Variants in MAF observed in about 807,000 individuals in gnomAD.
The protein encoded by MAF is transcription factor Maf.
A neutral mutation model predicts 22.0 loss-of-function variants in MAF; 10 were observed. That is an observed-to-expected ratio of 0.45 (90% CI 0.28 to 0.77). The LOEUF (loss-of-function observed/expected upper bound fraction) is 0.77. MAF is among the 30% of genes least tolerant of loss of function. MAF has a pLI of 0.12. For missense variants in MAF, 544 were observed against 548.4 expected, an observed-to-expected ratio of 0.99 and a Z score of 0.08; for synonymous variants, 337 against 255.8, an observed-to-expected ratio of 1.32 and a Z score of -3.03.
the MAF span, among the ~76,000 whole-genome samples, chr16:79,438,736 C>T: frequency 2.2e-4 from 33 of 152,208 alleles, no homozygotes; most frequent in African/African-American, 7.2e-4. Context: ...CTGGATGATC[C>T]CTGCCCATGT....
At chr16:79,296,322 G>C in the MAF span, among the ~76,000 whole-genome samples, 4 of 152,236 alleles carry the variant, frequency 2.6e-5, no homozygotes, top group Non-Finnish European at 5.9e-5. Context: ...TGAACAATGA[G>C]AATACATGGA....
At chr16:79,333,633 C>T in the MAF span, among the ~76,000 whole-genome samples, 8 of 152,212 alleles carry the variant, frequency 5.3e-5, no homozygotes, top group East Asian at 1.9e-4. Context: ...AATCTTTATG[C>T]GTAATGATGA....
At chr16:79,323,727 C>T in the MAF span, among the ~76,000 whole-genome samples, 1 of 152,180 alleles carries the variant, frequency 6.6e-6, no homozygotes, top group Admixed American at 6.5e-5. Context: ...CCCCTCACAC[C>T]GGGCATCTGA....
At chr16:79,249,272 A>G in the MAF span, among the ~76,000 whole-genome samples, 2 of 152,144 alleles carry the variant, frequency 1.3e-5, no homozygotes, top group African/African-American at 2.4e-5. Context: ...ATACAAAAGT[A>G]GCCGGATGTG....
the MAF span, among the ~76,000 whole-genome samples, chr16:79,491,174 G>A: frequency 6.6e-6 from 1 of 152,172 alleles, no homozygotes; most frequent in African/African-American, 2.4e-5. Context: ...CTTACTATGT[G>A]CTTTCAGGGC....
chr16:79,447,817 C>T, the MAF span, among the ~76,000 whole-genome samples: 6 of 139,608 alleles, frequency 4.3e-5, no homozygotes, highest in East Asian at 1.3e-3. Flanking sequence ...TCGCTTGAGC[C>T]CAGGAGGTGG....
the MAF span, among the ~76,000 whole-genome samples, chr16:79,510,088 T>C: frequency 6.6e-6 from 1 of 152,214 alleles, no homozygotes; most frequent in Non-Finnish European, 1.5e-5. Context: ...AGCTCGGCGA[T>C]TGCAGGACGG....
the MAF span, among the ~76,000 whole-genome samples, chr16:79,514,229 G>T: frequency 6.6e-6 from 1 of 152,228 alleles, no homozygotes; most frequent in Non-Finnish European, 1.5e-5. Flanking sequence ...TAGTGGAGTC[G>T]CTGGGAAGGG....
chr16:79,468,437 G>A, the MAF span, among the ~76,000 whole-genome samples: 3 of 152,224 alleles, frequency 2.0e-5, no homozygotes, highest in African/African-American at 7.2e-5. Flanking sequence ...GTCCTCTGGA[G>A]GGAGCCAAGT....
the MAF span, among the ~76,000 whole-genome samples, chr16:79,561,951 A>T: frequency 6.6e-6 from 1 of 152,150 alleles, no homozygotes; most frequent in Non-Finnish European, 1.5e-5. Context: ...GAGTAGACAC[A>T]ACAGTATCTC....
At chr16:79,338,653 A>T in the MAF span, among the ~76,000 whole-genome samples, 1 of 152,200 alleles carries the variant, frequency 6.6e-6, no homozygotes. Flanking sequence ...AGGAAGAAAA[A>T]AAATGGGAGA....
the MAF span, among the ~76,000 whole-genome samples, chr16:79,527,437 G>A: frequency 6.6e-6 from 1 of 152,128 alleles, no homozygotes; most frequent in Admixed American, 6.5e-5. Context: ...TTCTTCCTGT[G>A]GGCCCAGAGG....
the MAF span, among the ~76,000 whole-genome samples, chr16:79,391,611 G>A: frequency 6.6e-6 from 1 of 152,170 alleles, no homozygotes; most frequent in Non-Finnish European, 1.5e-5. Flanking sequence ...TGAAATGGGG[G>A]CACCCTGGAT....
chr16:79,245,436 C>T, the MAF span, among the ~76,000 whole-genome samples: 1 of 151,968 alleles, frequency 6.6e-6, no homozygotes, highest in Non-Finnish European at 1.5e-5. Context: ...GACATTTATG[C>T]AGCCAACAAT....
At chr16:79,312,341 A>C in the MAF span, among the ~76,000 whole-genome samples, 1 of 152,190 alleles carries the variant, frequency 6.6e-6, no homozygotes, top group African/African-American at 2.4e-5. Context: ...GGTCACTGCA[A>C]GCATTAAATA....
the MAF span, among the ~76,000 whole-genome samples, chr16:79,372,936 C>A: frequency 1.3e-5 from 2 of 152,152 alleles, no homozygotes; most frequent in Admixed American, 6.5e-5. Flanking sequence ...CTCTTAATGC[C>A]CTTTGTTATC....
In MAF at chr16:79,598,814, G is replaced by C; in HGVS notation, c.1089C>G (p.Ser363Arg). 1 of 1,613,684 alleles carries C rather than the reference G, an allele frequency of 6.2e-7. No individual in the cohort carries two copies. Among genetic ancestry groups the C allele is most frequent in the Non-Finnish European group, 8.5e-7 (1 of 1,179,926 alleles). Residue 363 changes from serine to arginine, a missense_variant, in exon 1 of 2, where the codon AGC becomes AGG. Around this residue, in one of 5 missense-constraint regions of MAF, gnomAD observed 129 missense variants for 113.6 expected, o/e 1.14. Transcript: ENST00000326043. ...SSGFRENGSSSDNPSSPEFFI... is the reference protein window; with the variant it reads ...SSGFRENGSSRDNPSSPEFFI... Reference sequence around the variant, plus strand: ...AAAACTCGGGAGAGGACGGGTTGTCGCTGCTCGAGCCGTTTTCTCGGAAGC... The same window carrying C: ...AAAACTCGGGAGAGGACGGGTTGTCCCTGCTCGAGCCGTTTTCTCGGAAGC...
intron 1 of MAF, chr16:79,597,365 A>G (rs1292828210): frequency 9.6e-7 from 1 of 1,036,852 alleles, no homozygotes; most frequent in African/African-American, 1.7e-5. Context: ...CAAAAAATAT[A>G]AAATAAAAAT....
the MAF span, among the ~76,000 whole-genome samples, chr16:79,439,827 G>A: frequency 4.6e-5 from 7 of 152,194 alleles, no homozygotes; most frequent in Non-Finnish European, 8.8e-5. Context: ...GGAAACGACC[G>A]AAACAGATCA....
Sources: gnomAD v4.1 joint callset for allele counts (sites outside exome capture counted in the v4.1 genomes callset) on GRCh38, gnomAD v4.1.1 for gene constraint, gnomAD v4.1.1 regional missense constraint, MANE v1.5 for transcripts, NCBI Gene and HGNC (gene_info 2026-07-23, HGNC 2026-07-21) for gene names.